SSPN: variants seen among roughly 807,000 people sequenced by gnomAD.
The protein encoded by SSPN is sarcospan.
In SSPN, 15 loss-of-function variants were observed where a neutral mutation model predicts 19.1. That is an observed-to-expected ratio of 0.78 (90% CI 0.52 to 1.21). The LOEUF is 1.21. Ranked by LOEUF, SSPN falls within the 50% of genes most tolerant of loss-of-function variation. The probability of loss-of-function intolerance (pLI) is 0.00; values close to 1 mark genes in which losing one functional copy is unlikely to be tolerated. For synonymous variants in SSPN, 147 were observed against 140.3 expected (o/e 1.05, Z -0.34); for missense variants, 291 against 314.0 (o/e 0.93, Z 0.55).
At chr12:26,201,046 T>TTATA (rs1555179575) in intron 1 of SSPN, among the ~76,000 whole-genome samples, 9 of 77,210 alleles carry the variant, frequency 1.2e-4, no homozygotes, top group African/African-American at 4.2e-4. Context: ...TATATATATA[T>TTATA]TATATATATA....
chr12:26,144,385 G>T (rs1031119878), intron 1 of SSPN, among the ~76,000 whole-genome samples: 3 of 152,184 alleles, frequency 2.0e-5, no homozygotes, highest in African/African-American at 7.2e-5. Context: ...AGGAGAGTTT[G>T]GTGCCTAAAC....
At chr12:26,139,958 T>C (rs1231938080) in intron 1 of SSPN, among the ~76,000 whole-genome samples, 2 of 152,190 alleles carry the variant, frequency 1.3e-5, no homozygotes, top group Admixed American at 6.6e-5. Context: ...TTTTCCTGGA[T>C]ATGCTCTTGC....
intron 1 of SSPN, among the ~76,000 whole-genome samples, chr12:26,158,554 C>A (rs1014776898): frequency 1.3e-5 from 2 of 152,256 alleles, no homozygotes; most frequent in African/African-American, 4.8e-5. Context: ...ATTACAGGAT[C>A]TGCAGGAAGT....
chr12:26,205,267 C>T (rs1374396934), intron 1 of SSPN, among the ~76,000 whole-genome samples: 1 of 152,156 alleles, frequency 6.6e-6, no homozygotes, highest in Non-Finnish European at 1.5e-5. Flanking sequence ...GCGTTAGATT[C>T]AGCATTCACT....
chr12:26,147,564 C>T (rs1055773931), intron 1 of SSPN, among the ~76,000 whole-genome samples: 1 of 152,148 alleles, frequency 6.6e-6, no homozygotes, highest in Non-Finnish European at 1.5e-5. Flanking sequence ...AGCCACCACG[C>T]CCAGCCCAGC....
intron 1 of SSPN, among the ~76,000 whole-genome samples, chr12:26,207,295 A>C (rs1392506678): frequency 3.9e-5 from 6 of 152,372 alleles, no homozygotes; most frequent in African/African-American, 1.4e-4. Flanking sequence ...TTTCAATTGC[A>C]TAATAACATA....
At chr12:26,219,856 G>A (rs1457443429) in intron 1 of SSPN, among the ~76,000 whole-genome samples, 2 of 152,154 alleles carry the variant, frequency 1.3e-5, no homozygotes, top group African/African-American at 4.8e-5. Flanking sequence ...CACCATCTGG[G>A]TGTCTGGTCC....
intron 1 of SSPN, among the ~76,000 whole-genome samples, chr12:26,163,055 G>GTGTGTGTGTGTGTGTA (rs1489539921): frequency 1.8e-4 from 24 of 130,604 alleles, no homozygotes; most frequent in South Asian, 4.3e-4. Context: ...GTGTGTGTGT[G>GTGTGTGTGTGTGTGTA]TGTGTATGTG....
intron 1 of SSPN, among the ~76,000 whole-genome samples, chr12:26,169,590 TA>T (rs888269078): frequency 0.018 from 2,389 of 131,062 alleles, 64 homozygotes; most frequent in African/African-American, 0.077. Flanking sequence ...TATATATATA[TA>T]TATTTTTTTT....
At chr12:26,154,269 C>T (rs534541172) in intron 1 of SSPN, among the ~76,000 whole-genome samples, 2 of 152,224 alleles carry the variant, frequency 1.3e-5, no homozygotes, top group Non-Finnish European at 2.9e-5. Context: ...GAATACCAAG[C>T]TGCTTTACTC....
At chr12:26,146,477 A>G (rs1480892475) in intron 1 of SSPN, among the ~76,000 whole-genome samples, 3 of 152,158 alleles carry the variant, frequency 2.0e-5, no homozygotes, top group Non-Finnish European at 4.4e-5. Flanking sequence ...ATTCCTCAAA[A>G]TACAGATTCA....
intron 1 of SSPN, among the ~76,000 whole-genome samples, chr12:26,205,177 G>C (rs951365615): frequency 2.6e-5 from 4 of 152,198 alleles, no homozygotes; most frequent in Non-Finnish European, 5.9e-5. Context: ...CCCTGGCTGG[G>C]AGTGCCGTGG....
At chr12:26,160,878 G>A (rs79860997) in intron 1 of SSPN, among the ~76,000 whole-genome samples, 5,392 of 151,938 alleles carry the variant, frequency 0.035, 133 homozygotes, top group Non-Finnish European at 0.051. Context: ...GAGGCCAAGG[G>A]GGGCAGATCA....
At chr12:26,136,525 A>T (rs1231334057) in intron 1 of SSPN, among the ~76,000 whole-genome samples, 2 of 152,146 alleles carry the variant, frequency 1.3e-5, no homozygotes, top group Non-Finnish European at 2.9e-5. Flanking sequence ...GAACACCCCC[A>T]TCCTAGTAGG....
At chr12:26,132,631 C>T (rs1035863156) in intron 1 of SSPN, among the ~76,000 whole-genome samples, 9 of 152,176 alleles carry the variant, frequency 5.9e-5, no homozygotes, top group African/African-American at 1.9e-4. Context: ...ATATCTACCT[C>T]CCCAATTTGC....
upstream of SSPN, among the ~76,000 whole-genome samples, chr12:26,193,446 CAT>C (rs1241130665): frequency 1.3e-5 from 2 of 152,140 alleles, no homozygotes; most frequent in African/African-American, 4.8e-5. Flanking sequence ...AAGCACCTGT[CAT>C]GTGTTTGTTA....
intron 1 of SSPN, among the ~76,000 whole-genome samples, chr12:26,133,235 A>G (rs905877110): frequency 3.1e-4 from 47 of 152,274 alleles, no homozygotes; most frequent in African/African-American, 1.1e-3. Context: ...CAGGGACTGG[A>G]TGGCAAATTT....
At chr12:26,144,064 A>G (rs1016267257) in intron 1 of SSPN, among the ~76,000 whole-genome samples, 5 of 152,184 alleles carry the variant, frequency 3.3e-5, no homozygotes, top group African/African-American at 1.2e-4. Flanking sequence ...CTATATTACA[A>G]TGTAATAATA....
intron 1 of SSPN, chr12:26,135,111 G>C (rs1402529844): frequency 6.6e-6 from 1 of 152,208 alleles, no homozygotes; most frequent in Non-Finnish European, 1.5e-5. Flanking sequence ...GTAAAAGCTG[G>C]AGCCAGTCCA....
Sources: allele counts gnomAD v4.1 joint callset (sites outside exome capture counted in the v4.1 genomes callset), GRCh38; gene constraint gnomAD v4.1.1; transcripts MANE v1.5; gene names NCBI Gene and HGNC (gene_info 2026-07-23, HGNC 2026-07-21).